The following EEFSEC variants were observed in gnomAD, a reference collection of about 807,000 sequenced individuals.
EEFSEC encodes selenocysteine-specific elongation factor.
EEFSEC carries 43 observed loss-of-function variants against 42.1 expected under a neutral mutation model. The observed-to-expected ratio is 1.02, with a 90% CI of 0.80 to 1.32. The LOEUF is 1.32. Among genes scored for constraint, EEFSEC ranks in the 40% most tolerant of loss-of-function variants. The pLI, the probability that EEFSEC is intolerant of heterozygous loss-of-function variation, is 0.00. For missense variants in EEFSEC, 745 were observed against 803.6 expected, an observed-to-expected ratio of 0.93 and a Z score of 0.88; for synonymous variants, 354 against 339.1, an observed-to-expected ratio of 1.04 and a Z score of -0.48.
intron 1 of EEFSEC, among the ~76,000 whole-genome samples, chr3:128,203,257 T>C (rs1455181220): frequency 6.6e-6 from 1 of 152,244 alleles, no homozygotes; most frequent in Non-Finnish European, 1.5e-5. Flanking sequence ...AGTGATTTGA[T>C]TTTTATCCAT....
chr3:128,232,500 G>C (rs1189560206), intron 1 of EEFSEC, among the ~76,000 whole-genome samples: 5 of 152,120 alleles, frequency 3.3e-5, no homozygotes, highest in Non-Finnish European at 7.4e-5. Flanking sequence ...TGACACTTGA[G>C]AACTGAACAT....
At chr3:128,321,413 G>A (rs529209377) in intron 4 of EEFSEC, among the ~76,000 whole-genome samples, 83 of 152,294 alleles carry the variant, frequency 5.4e-4, no homozygotes, top group African/African-American at 1.7e-3. Context: ...AGTGGGTGGA[G>A]AGGGGGAAGG....
intron 6 of EEFSEC, among the ~76,000 whole-genome samples, chr3:128,396,170 TTGTG>T (rs1384424503): frequency 6.6e-6 from 1 of 152,178 alleles, no homozygotes; most frequent in East Asian, 1.9e-4. Context: ...TGTGTGTGGT[TTGTG>T]TGTGTGTATG....
chr3:128,395,173 G>A (rs946661407), intron 6 of EEFSEC, among the ~76,000 whole-genome samples: 11 of 152,186 alleles, frequency 7.2e-5, no homozygotes, highest in African/African-American at 2.2e-4. Flanking sequence ...GAGGTCAGGC[G>A]CCTGTTATCC....
intron 4 of EEFSEC, among the ~76,000 whole-genome samples, chr3:128,323,639 A>G (rs1576637246): frequency 6.6e-6 from 1 of 152,220 alleles, no homozygotes; most frequent in African/African-American, 2.4e-5. Context: ...TTTACTAACA[A>G]GGGAACTGGG....
intron 1 of EEFSEC, among the ~76,000 whole-genome samples, chr3:128,242,076 G>A (rs1401777349): frequency 6.6e-6 from 1 of 152,220 alleles, no homozygotes; most frequent in Non-Finnish European, 1.5e-5. Context: ...GTAGCACTTT[G>A]GGAGCTGAGG....
intron 4 of EEFSEC, among the ~76,000 whole-genome samples, chr3:128,296,278 C>T (rs543650254): frequency 9.2e-5 from 14 of 152,272 alleles, no homozygotes; most frequent in Admixed American, 8.5e-4. Context: ...CTTCCTGTCC[C>T]TGGTATGCAG....
rs1280563912 is a variant in EEFSEC, at chr3:128,336,138, CT to C, written c.787-5094del. 5.9e-5 allele frequency among the ~76,000 whole-genome samples: 9 copies of C among 152,248 alleles called. No homozygotes were observed. The South Asian group carries it at 1.0e-3, about 18-fold the overall frequency. On this transcript the variant is annotated intron_variant, in intron 4 of 6. Coordinates refer to ENST00000254730, the MANE Select transcript of EEFSEC (RefSeq NM_021937.5). ...TTGCAGAACTCCCAGCTCCCCTCCC[CT>C]GAAGCTGGCTCCTCCCTGCTCCCAC... is the stretch of plus-strand genomic sequence containing the variant.
chr3:128,217,764 C>T (rs1404237700), intron 1 of EEFSEC, among the ~76,000 whole-genome samples: 1 of 152,172 alleles, frequency 6.6e-6, no homozygotes, highest in African/African-American at 2.4e-5. Flanking sequence ...GATTATTGTC[C>T]TGGGGACAGT....
chr3:128,345,275 A>C (rs4857879), intron 5 of EEFSEC, among the ~76,000 whole-genome samples: 39,025 of 152,052 alleles, frequency 0.26, 5,862 homozygotes, highest in East Asian at 0.46. Context: ...GAGTCAAAAT[A>C]ATAATGCCTG....
At chr3:128,235,481 T>TA (rs11391389) in intron 1 of EEFSEC, among the ~76,000 whole-genome samples, 127,589 of 152,114 alleles carry the variant, frequency 0.84, 53,989 homozygotes, top group East Asian at 0.99. Flanking sequence ...ATCTTCCTTT[T>TA]CCCCCTGCTT....
At position 128,408,239 on chromosome 3, in the gene EEFSEC, C is replaced by A. The variant is rs558222018; in HGVS notation, c.1771C>A (p.Arg591Ser). The change falls in exon 7 of 7, where the codon CGC becomes AGC. Residue 591 changes from arginine (R) to serine (S), a missense_variant. Transcript: ENST00000254730. ...FKRYVFDTHK[R>S]MVQSP ...GCGTTATGTCTTCGACACCCACAAG[C>A]GCATGGTTCAGTCTCCCTGAGTGTC... The A allele has an allele frequency of 5.0e-6, 8 of 1,604,072 alleles. No homozygotes were observed. Among genetic ancestry groups the A allele is most frequent in the Non-Finnish European group, 6.0e-6 (7 of 1,174,708 alleles).
At chr3:128,394,800 G>T (rs1044519691) in intron 6 of EEFSEC, among the ~76,000 whole-genome samples, 2 of 152,180 alleles carry the variant, frequency 1.3e-5, no homozygotes, top group Non-Finnish European at 2.9e-5. Flanking sequence ...TTCATTGGAA[G>T]GGGCAGGCTG....
At chr3:128,355,833 C>A (rs953002111) in intron 5 of EEFSEC, among the ~76,000 whole-genome samples, 1 of 152,182 alleles carries the variant, frequency 6.6e-6, no homozygotes, top group African/African-American at 2.4e-5. Context: ...AGGTCAAAGG[C>A]ATAACGTCAG....
At chr3:128,335,906 C>G (rs773328569) in intron 4 of EEFSEC, among the ~76,000 whole-genome samples, 2 of 152,160 alleles carry the variant, frequency 1.3e-5, no homozygotes, top group Non-Finnish European at 2.9e-5. Flanking sequence ...GGTGGAAGCC[C>G]CAGCTTTTCC....
chr3:128,199,873 A>G (rs919555284), intron 1 of EEFSEC, among the ~76,000 whole-genome samples: 2 of 152,034 alleles, frequency 1.3e-5, no homozygotes, highest in African/African-American at 4.8e-5. Context: ...AGCTGGGATT[A>G]CAGGCGCACG....
At chr3:128,297,151 A>T (rs2066715299) in intron 4 of EEFSEC, among the ~76,000 whole-genome samples, 1 of 152,134 alleles carries the variant, frequency 6.6e-6, no homozygotes, top group Non-Finnish European at 1.5e-5. Flanking sequence ...AGGGGTGCCA[A>T]CTTGGGCCTG....
chr3:128,400,106 C>T (rs965197905), intron 6 of EEFSEC, among the ~76,000 whole-genome samples: 11 of 152,218 alleles, frequency 7.2e-5, no homozygotes, highest in Admixed American at 2.0e-4. Flanking sequence ...CACCCCTGGC[C>T]TTGGGGGCAG....
At chr3:128,253,535 T>A (rs2107912063) in intron 2 of EEFSEC, among the ~76,000 whole-genome samples, 1 of 152,314 alleles carries the variant, frequency 6.6e-6, no homozygotes, top group Non-Finnish European at 1.5e-5. Flanking sequence ...ACAGAGCAGG[T>A]CGCAGAGAAG....
Sources: allele counts gnomAD v4.1 joint callset (sites outside exome capture counted in the v4.1 genomes callset), GRCh38; gene constraint gnomAD v4.1.1; transcripts MANE v1.5; gene names NCBI Gene and HGNC (gene_info 2026-07-23, HGNC 2026-07-21).